Variants in KCNN2 observed in about 807,000 individuals in gnomAD.
KCNN2 encodes the protein potassium calcium-activated channel subfamily N member 2.
KCNN2 carries 24 observed loss-of-function variants against 55.5 expected under a neutral mutation model. The observed-to-expected ratio is 0.43, with a 90% CI of 0.31 to 0.61. The LOEUF is 0.61. KCNN2 is among the 20% of genes least tolerant of loss of function. The probability of loss-of-function intolerance (pLI) is 0.08; values close to 1 mark genes in which losing one functional copy is unlikely to be tolerated. For missense variants in KCNN2, 754 were observed against 853.6 expected (o/e 0.88, Z 1.45); for synonymous variants, 431 against 336.1 (o/e 1.28, Z -3.09).
chr5:114,070,687 G>C (rs1580482544), intron 1 of KCNN2, among the ~76,000 whole-genome samples: 1 of 152,162 alleles, frequency 6.6e-6, no homozygotes, highest in African/African-American at 2.4e-5. Flanking sequence ...AAAGGTTTAA[G>C]CCCTAATATT....
At chr5:114,438,430 G>GA (rs1182727469) in intron 3 of KCNN2, among the ~76,000 whole-genome samples, 2 of 152,070 alleles carry the variant, frequency 1.3e-5, no homozygotes, top group African/African-American at 2.4e-5. Context: ...AGTGGTATTA[G>GA]AAAAAATATA....
intron 3 of KCNN2, among the ~76,000 whole-genome samples, chr5:114,443,220 G>A (rs962533774): frequency 3.3e-5 from 5 of 151,992 alleles, no homozygotes; most frequent in Admixed American, 6.6e-5. Context: ...GAACGCAGGA[G>A]GGGGAGGTTG....
intron 3 of KCNN2, among the ~76,000 whole-genome samples, chr5:114,409,994 C>T (rs1759079552): frequency 1.3e-5 from 2 of 152,148 alleles, no homozygotes; most frequent in Admixed American, 1.3e-4. Flanking sequence ...CAGTAATCTA[C>T]TCTTTCTCTG....
At chr5:114,320,042 AC>A (rs1463834681) in intron 2 of KCNN2, among the ~76,000 whole-genome samples, 1 of 152,156 alleles carries the variant, frequency 6.6e-6, no homozygotes, top group African/African-American at 2.4e-5. Flanking sequence ...TTGTTACTCC[AC>A]CATCTTTTTT....
chr5:114,195,607 A>G (rs1399363850), intron 1 of KCNN2, among the ~76,000 whole-genome samples: 1 of 151,992 alleles, frequency 6.6e-6, no homozygotes, highest in Non-Finnish European at 1.5e-5. Context: ...TTCTATATAC[A>G]AAATTATGTC....
chr5:114,467,132 T>TAAAC (rs941742590), intron 4 of KCNN2, among the ~76,000 whole-genome samples: 3 of 152,170 alleles, frequency 2.0e-5, no homozygotes, highest in Admixed American at 6.5e-5. Context: ...AGTTGTCAGT[T>TAAAC]AAACAAACAG....
At chr5:114,227,231 A>G (rs1046279608) in intron 2 of KCNN2, among the ~76,000 whole-genome samples, 2 of 152,214 alleles carry the variant, frequency 1.3e-5, no homozygotes, top group Non-Finnish European at 2.9e-5. Context: ...TGAGCGAATG[A>G]AAGAATGAAG....
intron 3 of KCNN2, among the ~76,000 whole-genome samples, chr5:114,444,033 T>G (rs908119846): frequency 2.0e-5 from 3 of 152,152 alleles, no homozygotes; most frequent in Non-Finnish European, 4.4e-5. Context: ...TATAGAGAGA[T>G]AGGCTGGAGA....
At position 114,143,506 on chromosome 5, in the gene KCNN2, G is replaced by A. The variant is rs116978264; in HGVS notation, c.-270-77974G>A. ...AAAAGAGCCATGGCAAAATGAGAGC[G>A]TTTATAGCCCTGTCTTATCCCTATG... On this transcript the variant is annotated intron_variant, in intron 1 of 10. Coordinates refer to the KCNN2 transcript ENST00000512097. Among the ~76,000 whole-genome samples, 224 of 152,136 alleles carry A rather than the reference G, an allele frequency of 1.5e-3. 2 individuals are homozygous for A. The highest frequency in any genetic ancestry group is 4.8e-3 in the African/African-American group (198 of 41,520).
chr5:114,192,664 T>A (rs549249041), intron 1 of KCNN2, among the ~76,000 whole-genome samples: 1 of 152,176 alleles, frequency 6.6e-6, no homozygotes, highest in Non-Finnish European at 1.5e-5. Context: ...CACGGTCATA[T>A]GTCGACCTGG....
chr5:114,293,750 G>A (rs1755946615), intron 2 of KCNN2, among the ~76,000 whole-genome samples: 1 of 152,150 alleles, frequency 6.6e-6, no homozygotes, highest in Admixed American at 6.5e-5. Context: ...TTGATTGGGA[G>A]AGTTTCAGAA....
At chr5:114,146,484 A>G (rs1322945059) in intron 1 of KCNN2, among the ~76,000 whole-genome samples, 1 of 152,208 alleles carries the variant, frequency 6.6e-6, no homozygotes, top group Non-Finnish European at 1.5e-5. Flanking sequence ...ACTGCAAAAC[A>G]TGAAAACATA....
At chr5:114,091,538 C>A (rs770871983) in intron 1 of KCNN2, among the ~76,000 whole-genome samples, 13 of 152,130 alleles carry the variant, frequency 8.5e-5, no homozygotes, top group Admixed American at 5.9e-4. Flanking sequence ...ATTCCTTTTC[C>A]CTTAAGCTAA....
rs146511414 is a variant in KCNN2, at chr5:114,196,483, G to A, written c.-270-24997G>A. ...TGAAATTCACCAACAGGCCAAATGGGCCTGGACTTTTCTTTGTGGGAAGTT... is the reference window on the plus strand; with the variant it reads ...TGAAATTCACCAACAGGCCAAATGGACCTGGACTTTTCTTTGTGGGAAGTT... On this transcript the variant is annotated intron_variant, in intron 1 of 10. Transcript: ENST00000512097. 2.5e-3 allele frequency among the ~76,000 whole-genome samples: 384 copies of A among 152,014 alleles called. 2 individuals are homozygous for A. Among genetic ancestry groups the A allele is most frequent in the Admixed American group, 0.024 (360 of 15,270 alleles).
chr5:114,081,048 G>A (rs1750805382), intron 1 of KCNN2, among the ~76,000 whole-genome samples: 1 of 152,022 alleles, frequency 6.6e-6, no homozygotes, highest in African/African-American at 2.4e-5. Context: ...TGAATAACCT[G>A]AAATGTACAA....
chr5:114,056,641 TCATACCTTAAAAAGAAA>T, intron 1 of KCNN2: 1 of 388,616 alleles, frequency 2.6e-6, no homozygotes, highest in South Asian at 1.4e-4. Flanking sequence ...CAGCACCCAC[TCATACCTTAAAAAGAAA>T]CATTCTCCTG....
At chr5:114,075,313 A>C (rs773939396) in intron 1 of KCNN2, among the ~76,000 whole-genome samples, 1 of 152,212 alleles carries the variant, frequency 6.6e-6, no homozygotes, top group African/African-American at 2.4e-5. Flanking sequence ...AAAGATGCAG[A>C]AGCAAATCAT....
At chr5:114,232,009 T>C (rs1754372656) in intron 2 of KCNN2, among the ~76,000 whole-genome samples, 1 of 151,198 alleles carries the variant, frequency 6.6e-6, no homozygotes, top group African/African-American at 2.5e-5. Context: ...AAAAATATAC[T>C]TTTAATCTAC....
rs531690690 is a variant in KCNN2, at chr5:114,281,384, G to T, written c.-185+59819G>T. Among the ~76,000 whole-genome samples the T allele has an allele frequency of 9.5e-4, 144 of 152,170 alleles. 1 individual carries two copies. Among genetic ancestry groups the T allele is most frequent in the African/African-American group, 3.4e-3 (140 of 41,528 alleles). The stretch of plus-strand genomic sequence containing the variant: ...CCTCATGGAAAGTTACACTTAAATT[G>T]GCATTTTAAAGACTGAGAAATCTGG... On this transcript the variant is annotated intron_variant, in intron 2 of 10. Coordinates refer to the KCNN2 transcript ENST00000512097.
Sources: allele counts gnomAD v4.1 joint callset (sites outside exome capture counted in the v4.1 genomes callset), GRCh38; gene constraint gnomAD v4.1.1; transcripts MANE v1.5; gene names NCBI Gene and HGNC (gene_info 2026-07-23, HGNC 2026-07-21).